Variants in PTPRG observed in about 807,000 individuals in gnomAD.
The protein encoded by PTPRG is receptor-type tyrosine-protein phosphatase gamma.
A neutral mutation model predicts 165.3 loss-of-function variants in PTPRG; 102 were observed. The ratio of observed to expected loss-of-function variants is 0.62; its 90% CI spans 0.53 to 0.73. The LOEUF (loss-of-function observed/expected upper bound fraction) is 0.73, where lower values mean the gene tolerates loss of function less well. Among genes scored for constraint, PTPRG ranks in the 30% least tolerant of loss-of-function variants. PTPRG has a pLI of 0.00. For synonymous variants in PTPRG, 675 were observed against 669.5 expected, an observed-to-expected ratio of 1.01 and a Z score of -0.13; for missense variants, 1,866 against 1,861.4, an observed-to-expected ratio of 1.00 and a Z score of -0.05.
intron 1 of PTPRG, among the ~76,000 whole-genome samples, chr3:61,616,541 G>T (rs1385656751): frequency 1.3e-5 from 2 of 152,106 alleles, no homozygotes; most frequent in African/African-American, 4.8e-5. Flanking sequence ...ATACTCTTCC[G>T]TGTAGACACT....
Position 62,269,109 on chromosome 3 carries a change from A to G in PTPRG, c.2949A>G (p.Thr983=). Residue 983 remains threonine (T), a synonymous_variant, in exon 20 of 30, where the codon ACA becomes ACG. Transcript: ENST00000474889. The part of the protein sequence containing the change: ...YGNIIVTLKS[T]KIHACYTVRR... ...ACATTATTGTCACGCTGAAGAGCAC[A>G]AAAATACATGCCTGCTACACTGTTC... is the stretch of plus-strand genomic sequence containing the variant. 1 of 1,609,366 alleles carries G rather than the reference A, an allele frequency of 6.2e-7. No individual in the cohort carries two copies. The highest frequency in any genetic ancestry group is 8.5e-7 in the Non-Finnish European group (1 of 1,176,320).
At chr3:62,099,793 C>CTTTTTTTTTTTTTTTTTT in intron 5 of PTPRG, among the ~76,000 whole-genome samples, 1 of 90,728 alleles carries the variant, frequency 1.1e-5, no homozygotes, top group Non-Finnish European at 2.0e-5. Flanking sequence ...AGTGTTAAAT[C>CTTTTTTTTTTTTTTTTTT]TTTTTTTTTT....
At chr3:61,948,600 G>A (rs1332246787) in intron 2 of PTPRG, among the ~76,000 whole-genome samples, 3 of 152,128 alleles carry the variant, frequency 2.0e-5, no homozygotes, top group African/African-American at 4.8e-5. Flanking sequence ...AGGGGTTGAC[G>A]GATTCTGTAG....
intron 1 of PTPRG, among the ~76,000 whole-genome samples, chr3:61,568,808 T>C (rs1038738980): frequency 8.6e-5 from 13 of 151,642 alleles, no homozygotes; most frequent in African/African-American, 2.7e-4. Flanking sequence ...CTCGGGAGGC[T>C]GAGGCGGGAG....
intron 5 of PTPRG, among the ~76,000 whole-genome samples, chr3:62,123,328 C>T (rs1295389916): frequency 6.6e-6 from 1 of 152,184 alleles, no homozygotes; most frequent in African/African-American, 2.4e-5. Context: ...TCACTGTAGC[C>T]ACTAACTCCC....
At chr3:61,712,203 A>G (rs2031597573) in intron 1 of PTPRG, among the ~76,000 whole-genome samples, 1 of 152,112 alleles carries the variant, frequency 6.6e-6, no homozygotes, top group African/African-American at 2.4e-5. Flanking sequence ...CTGTTATTAT[A>G]GTCTTTAAAA....
chr3:61,668,732 C>A (rs1217002154), intron 1 of PTPRG, among the ~76,000 whole-genome samples: 5 of 152,000 alleles, frequency 3.3e-5, no homozygotes, highest in Non-Finnish European at 7.4e-5. Context: ...GTAGACACTT[C>A]CTGAAGTTTA....
At chr3:62,175,448 T>A (rs1335860618) in intron 8 of PTPRG, among the ~76,000 whole-genome samples, 6 of 152,180 alleles carry the variant, frequency 3.9e-5, no homozygotes, top group Non-Finnish European at 7.3e-5. Flanking sequence ...AGCCTACGTC[T>A]CTTAAAAAGA....
At chr3:61,985,676 T>C (rs937649659) in intron 2 of PTPRG, among the ~76,000 whole-genome samples, 4 of 152,172 alleles carry the variant, frequency 2.6e-5, no homozygotes, top group African/African-American at 7.2e-5. Flanking sequence ...TGTATTTAAA[T>C]TGATAACAGT....
chr3:61,671,910 C>G (rs1703009660), intron 1 of PTPRG, among the ~76,000 whole-genome samples: 1 of 145,482 alleles, frequency 6.9e-6, no homozygotes, highest in Non-Finnish European at 1.5e-5. Flanking sequence ...GATCCCCCCA[C>G]CTCCCTCCCG....
intron 2 of PTPRG, among the ~76,000 whole-genome samples, chr3:61,933,248 G>A (rs2039405170): frequency 6.6e-6 from 1 of 152,222 alleles, no homozygotes; most frequent in Non-Finnish European, 1.5e-5. Context: ...ACCTGGTGGT[G>A]AATCAAAATG....
intron 1 of PTPRG, among the ~76,000 whole-genome samples, chr3:61,703,945 ACTATTG>A (rs1462830208): frequency 6.6e-6 from 1 of 152,208 alleles, no homozygotes; most frequent in Non-Finnish European, 1.5e-5. Context: ...AGCTGGATAT[ACTATTG>A]ATCACACTTT....
At chr3:61,596,460 G>C (rs1700703099) in intron 1 of PTPRG, among the ~76,000 whole-genome samples, 1 of 152,208 alleles carries the variant, frequency 6.6e-6, no homozygotes, top group Non-Finnish European at 1.5e-5. Context: ...TGTTGTTGAA[G>C]CACAGTATAT....
chr3:61,972,229 TCA>T (rs932130987), intron 2 of PTPRG, among the ~76,000 whole-genome samples: 68 of 152,320 alleles, frequency 4.5e-4, no homozygotes, highest in African/African-American at 1.5e-3. Context: ...AAAATGCTGA[TCA>T]TGTTCAAAGG....
chr3:61,654,670 G>T (rs1322437549), intron 1 of PTPRG, among the ~76,000 whole-genome samples: 3 of 151,974 alleles, frequency 2.0e-5, no homozygotes, highest in Non-Finnish European at 2.9e-5. Context: ...ACAGGCGTGA[G>T]CCACCATGCC....
At chr3:62,089,928 T>C (rs1353398254) in intron 5 of PTPRG, among the ~76,000 whole-genome samples, 3 of 152,226 alleles carry the variant, frequency 2.0e-5, no homozygotes, top group African/African-American at 7.2e-5. Flanking sequence ...ACATCAGGAC[T>C]GTAAATAAAA....
At chr3:61,745,469 C>T (rs758839971) in intron 1 of PTPRG, among the ~76,000 whole-genome samples, 7 of 152,148 alleles carry the variant, frequency 4.6e-5, no homozygotes, top group Non-Finnish European at 7.3e-5. Context: ...GCCCTTCATA[C>T]GCCATGCAGC....
At chr3:62,277,083 C>T in intron 25 of PTPRG, 35 bp downstream of exon 25, 1 of 1,556,630 alleles carries the variant, frequency 6.4e-7, no homozygotes, top group Non-Finnish European at 8.8e-7. Flanking sequence ...ATAAAGTCAA[C>T]TAAACTGAAA....
chr3:62,287,399 A>T (rs747266897), intron 28 of PTPRG, among the ~76,000 whole-genome samples: 1 of 152,184 alleles, frequency 6.6e-6, no homozygotes, highest in Non-Finnish European at 1.5e-5. Context: ...ATAATAGGGT[A>T]TTAAAATATA....
Sources: allele counts gnomAD v4.1 joint callset (sites outside exome capture counted in the v4.1 genomes callset), GRCh38; gene constraint gnomAD v4.1.1; transcripts MANE v1.5; gene names NCBI Gene and HGNC (gene_info 2026-07-23, HGNC 2026-07-21).